Variants in FAT3 observed in about 807,000 individuals in gnomAD.
FAT3 encodes protocadherin Fat 3.
FAT3 carries 95 observed loss-of-function variants against 310.2 expected under a neutral mutation model. The observed-to-expected ratio is 0.31, with a 90% confidence interval of 0.26 to 0.36. The LOEUF (loss-of-function observed/expected upper bound fraction) is 0.36. Ranked by LOEUF, FAT3 falls within the 10% of genes least tolerant of loss-of-function variation. The probability of loss-of-function intolerance (pLI) is 1.00; values close to 1 mark genes in which losing one functional copy is unlikely to be tolerated. For synonymous variants in FAT3, 2,314 were observed against 2,192.9 expected (o/e 1.06, Z -1.54); for missense variants, 5,408 against 5,715.6 (o/e 0.95, Z 1.74).
intron 1 of FAT3, among the ~76,000 whole-genome samples, chr11:92,327,069 A>G (rs1409339559): frequency 6.6e-6 from 1 of 152,146 alleles, no homozygotes; most frequent in Non-Finnish European, 1.5e-5. Flanking sequence ...GTATAGGTGC[A>G]TTTTAAATAA....
chr11:92,315,788 C>G (rs1176124487), intron 1 of FAT3, among the ~76,000 whole-genome samples: 2 of 151,812 alleles, frequency 1.3e-5, no homozygotes, highest in Non-Finnish European at 2.9e-5. Flanking sequence ...TCCCAAAGTG[C>G]CAGGATTATA....
At chr11:92,775,027 C>T (rs1007065468) in intron 7 of FAT3, among the ~76,000 whole-genome samples, 2 of 152,118 alleles carry the variant, frequency 1.3e-5, no homozygotes, top group Admixed American at 6.5e-5. Context: ...CCAGTTATGG[C>T]AGAGAGCTGG....
chr11:92,834,758 G>A, intron 14 of FAT3, 112 bp from the exon 15 acceptor site: 1 of 973,320 alleles, frequency 1.0e-6, no homozygotes, highest in Non-Finnish European at 1.5e-6. Flanking sequence ...ACAAATTCCT[G>A]AATGTTTAAA....
chr11:92,399,937 C>T (rs1949972135), intron 2 of FAT3, among the ~76,000 whole-genome samples: 1 of 152,170 alleles, frequency 6.6e-6, no homozygotes, highest in Admixed American at 6.6e-5. Context: ...TTGAGTTGTT[C>T]ACTAAGTGTT....
intron 3 of FAT3, among the ~76,000 whole-genome samples, chr11:92,656,585 T>G (rs943924896): frequency 6.6e-6 from 1 of 152,150 alleles, no homozygotes; most frequent in South Asian, 2.1e-4. Flanking sequence ...TAGTTCTGCT[T>G]TTTTTTGCCA....
chr11:92,778,535 C>T (rs900328368), intron 7 of FAT3, among the ~76,000 whole-genome samples: 4 of 152,162 alleles, frequency 2.6e-5, no homozygotes, highest in South Asian at 2.1e-4. Context: ...ACAACTTAAA[C>T]CTTCCAAAAC....
At chr11:92,793,268 C>T (rs1947083434) in intron 9 of FAT3, among the ~76,000 whole-genome samples, 3 of 152,018 alleles carry the variant, frequency 2.0e-5, no homozygotes, top group Admixed American at 2.0e-4. Context: ...GTGGCTTTTA[C>T]CTGTGGACCA....
intron 4 of FAT3, among the ~76,000 whole-genome samples, chr11:92,698,297 A>G (rs1489201835): frequency 6.6e-6 from 1 of 152,154 alleles, no homozygotes; most frequent in East Asian, 1.9e-4. Context: ...GCACACAAAC[A>G]CACCTTTCAA....
chr11:92,710,701 CGCAAGGCCGT>C (rs1317817193), intron 4 of FAT3, among the ~76,000 whole-genome samples: 2 of 152,158 alleles, frequency 1.3e-5, no homozygotes, highest in Non-Finnish European at 2.9e-5. Flanking sequence ...AATATCTCTG[CGCAAGGCCGT>C]GACAGACCCA....
intron 1 of FAT3, among the ~76,000 whole-genome samples, chr11:92,346,813 T>C (rs1280696262): frequency 6.6e-6 from 1 of 152,206 alleles, no homozygotes; most frequent in Non-Finnish European, 1.5e-5. Context: ...AACATAGTGT[T>C]CTTCCTTTGC....
At chr11:92,722,693 T>C (rs1565541033) in intron 4 of FAT3, among the ~76,000 whole-genome samples, 1 of 152,238 alleles carries the variant, frequency 6.6e-6, no homozygotes, top group Admixed American at 6.5e-5. Flanking sequence ...GGCATTTCTC[T>C]ATATCTTCTG....
intron 3 of FAT3, among the ~76,000 whole-genome samples, chr11:92,562,728 C>A (rs1332105214): frequency 1.3e-5 from 2 of 152,052 alleles, no homozygotes; most frequent in East Asian, 3.9e-4. Context: ...TTTGAAGGCC[C>A]AAGAACCATA....
intron 2 of FAT3, among the ~76,000 whole-genome samples, chr11:92,395,509 A>T (rs1467055177): frequency 6.6e-6 from 1 of 151,882 alleles, no homozygotes; most frequent in Non-Finnish European, 1.5e-5. Context: ...TCTCTGTTCT[A>T]CAAGGATGCC....
At chr11:92,546,692 T>C (rs1954628659) in intron 3 of FAT3, among the ~76,000 whole-genome samples, 1 of 152,168 alleles carries the variant, frequency 6.6e-6, no homozygotes, top group Non-Finnish European at 1.5e-5. Context: ...ATATTCTTGT[T>C]GTTTGGATTC....
intron 3 of FAT3, among the ~76,000 whole-genome samples, chr11:92,592,589 G>T (rs1939494237): frequency 6.6e-6 from 1 of 151,864 alleles, no homozygotes; most frequent in Non-Finnish European, 1.5e-5. Flanking sequence ...CAAAGTGCTG[G>T]GATTACAGGC....
chr11:92,887,810 C>G (rs1949831230), intron 25 of FAT3, among the ~76,000 whole-genome samples: 1 of 151,994 alleles, frequency 6.6e-6, no homozygotes, highest in Non-Finnish European at 1.5e-5. Flanking sequence ...GTTGTTCTCC[C>G]CAGGGCAGGG....
intron 2 of FAT3, among the ~76,000 whole-genome samples, chr11:92,409,838 C>G (rs1950214419): frequency 6.6e-6 from 1 of 152,006 alleles, no homozygotes; most frequent in Non-Finnish European, 1.5e-5. Flanking sequence ...TGTGTTTTGC[C>G]AGCCTCAGAC....
chr11:92,552,090 TTTTAATA>T (rs1314966939), intron 3 of FAT3, among the ~76,000 whole-genome samples: 2 of 152,170 alleles, frequency 1.3e-5, no homozygotes, highest in Non-Finnish European at 2.9e-5. Context: ...CAAAAGTAGA[TTTTAATA>T]TTCAGCATCT....
chr11:92,525,933 T>C (rs1448688270), intron 3 of FAT3, among the ~76,000 whole-genome samples: 1 of 152,184 alleles, frequency 6.6e-6, no homozygotes. Context: ...CCCATTAATA[T>C]AATGAAAGAG....
Sources: gnomAD v4.1 joint callset for allele counts (sites outside exome capture counted in the v4.1 genomes callset) on GRCh38, gnomAD v4.1.1 for gene constraint, MANE v1.5 for transcripts, NCBI Gene and HGNC (gene_info 2026-07-23, HGNC 2026-07-21) for gene names.